The following WDR86 variants were observed in gnomAD, a reference collection of about 807,000 sequenced individuals.
The protein encoded by WDR86 is WD repeat domain 86.
WDR86 carries 30 observed loss-of-function variants against 36.5 expected under a neutral mutation model. The ratio of observed to expected loss-of-function variants is 0.82; its 90% CI spans 0.61 to 1.11. The LOEUF is 1.11. Among genes scored for constraint, WDR86 ranks in the 50% most tolerant of loss-of-function variants. The pLI, the probability that WDR86 is intolerant of heterozygous loss-of-function variation, is 0.00. For missense variants in WDR86, 545 were observed against 561.2 expected (o/e 0.97, Z 0.29); for synonymous variants, 255 against 252.9 (o/e 1.01, Z -0.08).
Position 151,381,775 on chromosome 7 carries a change from TGACGCG to T in WDR86, c.967-35_967-30del. On this transcript the variant is annotated intron_variant, in intron 5 of 5. Coordinates refer to ENST00000334493, the MANE Select transcript of WDR86 (RefSeq NM_198285.3). This position sits in a 1 kb window ranked among gnomAD's most constrained non-coding sequence, Gnocchi z 4.8. Reference sequence around the variant, plus strand: ...CGGGCGCAGGGGCGGGCGTCACCGGTGACGCGGTAGGCGGGGGGGACACCGCTGCCC... The same window carrying T: ...CGGGCGCAGGGGCGGGCGTCACCGGTGTAGGCGGGGGGGACACCGCTGCCC... 1 of 1,203,786 alleles carries T rather than the reference TGACGCG, an allele frequency of 8.3e-7. No individual in the cohort carries two copies. The highest frequency in any genetic ancestry group is 1.1e-6 in the Non-Finnish European group (1 of 885,340). 74.6% of individuals were successfully genotyped at this position (1,203,786 alleles called of 1,614,324 possible). A position where few individuals can be genotyped will look rare whatever the true frequency, so the allele number is the denominator to read the frequency against.
At position 151,405,897 on chromosome 7, in the gene WDR86, G is replaced by A. The variant is rs538759916; in HGVS notation, c.163+3530C>T. 5.3e-5 allele frequency among the ~76,000 whole-genome samples: 8 copies of A among 152,298 alleles called. No homozygotes were observed. The East Asian group carries it at 1.5e-3, about 29-fold the overall frequency. On this transcript the variant is annotated intron_variant, in intron 1 of 5. Transcript: ENST00000334493. The surrounding 1 kb of genome is among the most constrained non-coding windows in gnomAD (Gnocchi z 4.7). ...AGGAAGCGTGTGGGACAGCCACAGT[G>A]GGCTGCCACCTTCAGGCTGAGTCCC...
chr7:151,377,748 T>G (rs1798368163), downstream of WDR86: 1 of 152,384 alleles, frequency 6.6e-6, no homozygotes. Flanking sequence ...CCAAGTGCTG[T>G]GGGGCATAAC....
At chr7:151,389,094 C>A (rs1234246042) in intron 3 of WDR86, among the ~76,000 whole-genome samples, 1 of 149,132 alleles carries the variant, frequency 6.7e-6, no homozygotes, top group African/African-American at 2.5e-5. Flanking sequence ...CAAAGGTATT[C>A]TGCACCTTTT....
chr7:151,382,113 G>C, intron 4 of WDR86, 132 bp from the exon 5 acceptor site: 1 of 728,606 alleles, frequency 1.4e-6, no homozygotes, highest in South Asian at 1.8e-5. Flanking sequence ...GCTCATATGG[G>C]AAGTGGACAG....
chr7:151,376,822 G>A, downstream of WDR86: 1 of 1,568,432 alleles, frequency 6.4e-7, no homozygotes, highest in Non-Finnish European at 8.6e-7. Flanking sequence ...GTAGGTCTGA[G>A]GTCTTTGAGG....
intron 3 of WDR86, among the ~76,000 whole-genome samples, chr7:151,392,370 G>A (rs1799499101): frequency 6.6e-6 from 1 of 151,962 alleles, no homozygotes; most frequent in Admixed American, 6.5e-5. Context: ...TTAGGGAACA[G>A]GAACCTCCCT....
intron 1 of WDR86, chr7:151,408,650 C>A (rs1303709815): frequency 3.3e-6 from 1 of 301,508 alleles, no homozygotes; most frequent in Non-Finnish European, 6.7e-6. Context: ...AGCAGAAAGC[C>A]TCGCGGCTCA....
At chr7:151,377,238 A>C (rs1798344220), downstream of WDR86, 1 of 1,492,092 alleles carries the variant, frequency 6.7e-7, no homozygotes, top group South Asian at 1.3e-5. Context: ...AATGAACAGA[A>C]ATAGCGCTAA....
chr7:151,401,792 G>A lies in WDR86; in HGVS notation c.164-1551C>T, dbSNP rs545782106. 1.3e-5 allele frequency among the ~76,000 whole-genome samples: 2 copies of A among 152,098 alleles called. No individual in the cohort carries two copies. The highest frequency in any genetic ancestry group is 4.8e-5 in the African/African-American group (2 of 41,450). ...TGGCCAGGCGCGGTGGCTCACGCCT[G>A]TAATTCCAGCACTTTGGGAGGCCGA... On this transcript the variant is annotated intron_variant, in intron 1 of 5. Coordinates refer to ENST00000334493, the MANE Select transcript of WDR86 (RefSeq NM_198285.3). The surrounding 1 kb of genome is among the most constrained non-coding windows in gnomAD (Gnocchi z 4.3).
At chr7:151,408,809 T>G in intron 1 of WDR86, 1 of 440,526 alleles carries the variant, frequency 2.3e-6, no homozygotes, top group South Asian at 1.7e-5. Flanking sequence ...CCAACAGGCA[T>G]GCAGGCAGGG....
In WDR86 at chr7:151,390,185, G is replaced by A. The variant is rs954523677; in HGVS notation, c.727-4962C>T. Among the ~76,000 whole-genome samples, 12 of 152,188 alleles carry A rather than the reference G, an allele frequency of 7.9e-5. No individual in the cohort carries two copies. The highest frequency in any genetic ancestry group is 4.1e-4 in the South Asian group (2 of 4,832). On this transcript the variant is annotated intron_variant, in intron 3 of 5. Transcript: ENST00000334493. The surrounding 1 kb of genome is among the most constrained non-coding windows in gnomAD (Gnocchi z 4.5). ...GGAGCACTCGCAGGGCCAGGGCTGCGGAGCAGGGGAGGAGCTGGAGGGGAG... is the reference window on the plus strand; with the variant it reads ...GGAGCACTCGCAGGGCCAGGGCTGCAGAGCAGGGGAGGAGCTGGAGGGGAG...
At chr7:151,382,854 T>C (rs1386101306) in intron 4 of WDR86, among the ~76,000 whole-genome samples, 1 of 152,068 alleles carries the variant, frequency 6.6e-6, no homozygotes, top group Non-Finnish European at 1.5e-5. Context: ...AGCAGGTAAC[T>C]ACGGTGGGCA....
chr7:151,399,498 C>T (rs950010942), intron 2 of WDR86, among the ~76,000 whole-genome samples: 6 of 152,338 alleles, frequency 3.9e-5, no homozygotes, highest in East Asian at 3.9e-4. Context: ...AGGCCTCCCT[C>T]GGGAGTCCGA....
intron 2 of WDR86, among the ~76,000 whole-genome samples, chr7:151,397,884 G>C (rs781274523): frequency 5.9e-5 from 9 of 152,116 alleles, no homozygotes; most frequent in African/African-American, 2.2e-4. Flanking sequence ...GGGTATGGAG[G>C]GGGTGGCTGA....
chr7:151,379,160 CTGAG>C (rs1379347227), downstream of WDR86, among the ~76,000 whole-genome samples: 3 of 152,156 alleles, frequency 2.0e-5, no homozygotes, highest in African/African-American at 2.4e-5. Flanking sequence ...GCAGGACAGT[CTGAG>C]TGTGACATGT....
chr7:151,385,820 C>A (rs1467419340), intron 3 of WDR86, among the ~76,000 whole-genome samples: 1 of 152,150 alleles, frequency 6.6e-6, no homozygotes, highest in African/African-American at 2.4e-5. Context: ...ACGGAGAGGG[C>A]CCAGGAGACA....
downstream of WDR86, chr7:151,377,243 C>T (rs559660462): frequency 3.0e-5 from 44 of 1,467,854 alleles, no homozygotes; most frequent in African/African-American, 3.7e-4. Flanking sequence ...ACAGAAATAG[C>T]GCTAATTTTC....
rs926390136 is a variant in WDR86 at position 151,395,709 on chromosome 7, C to G, written c.726+67G>C. ...GCAGCCGAATCACAGATACCCAGGG[C>G]AGGGCGGCAGTGCAGGGGGTGACCT... On this transcript the variant is annotated intron_variant, in intron 3 of 5. Coordinates refer to ENST00000334493, the MANE Select transcript of WDR86 (RefSeq NM_198285.3). The G allele has an allele frequency of 2.0e-6, 3 of 1,466,862 alleles. No individual in the cohort carries two copies. The African/African-American group carries it at 4.2e-5, about 21-fold the overall frequency. 90.9% of individuals were successfully genotyped at this position (1,466,862 alleles called of 1,614,324 possible).
At chr7:151,369,084 T>G in the WDR86 span, 13 of 488,292 alleles carry the variant, frequency 2.7e-5, no homozygotes, top group African/African-American at 2.6e-4. Context: ...CTTGGCTCAC[T>G]GCAAGCTCCG....
Sources: gnomAD v4.1 joint callset for allele counts (sites outside exome capture counted in the v4.1 genomes callset) on GRCh38, gnomAD v4.1.1 for gene constraint, Gnocchi (gnomAD v3.1) non-coding constraint, MANE v1.5 for transcripts, NCBI Gene and HGNC (gene_info 2026-07-23, HGNC 2026-07-21) for gene names.